ENTPD7: variants seen among roughly 807,000 people sequenced by gnomAD.
ENTPD7 encodes the protein NTPDase 7.
In ENTPD7, 53 loss-of-function variants were observed where a neutral mutation model predicts 77.9. The ratio of observed to expected loss-of-function variants is 0.68; its 90% confidence interval spans 0.55 to 0.85. The LOEUF is 0.85. Among genes scored for constraint, ENTPD7 ranks in the 40% least tolerant of loss-of-function variants. The probability of loss-of-function intolerance (pLI) is 0.00; values close to 1 mark genes in which losing one functional copy is unlikely to be tolerated. For synonymous variants in ENTPD7, 248 were observed against 274.9 expected (o/e 0.90, Z 0.97); for missense variants, 636 against 743.7 (o/e 0.86, Z 1.68).
intron 5 of ENTPD7, 129 bp downstream of exon 5, chr10:99,680,004 C>T: frequency 8.9e-7 from 1 of 1,127,916 alleles, no homozygotes; most frequent in South Asian, 1.7e-5. Flanking sequence ...TCATTCATTC[C>T]CAACTTCTTG....
chr10:99,688,639 T>C, intron 6 of ENTPD7, 55 bp from the exon 7 acceptor site: 1 of 1,562,226 alleles, frequency 6.4e-7, no homozygotes, highest in Non-Finnish European at 8.8e-7. Context: ...GGGAGAGGTG[T>C]ATACATGGCA....
intron 10 of ENTPD7, among the ~76,000 whole-genome samples, chr10:99,699,150 T>C (rs567016128): frequency 6.6e-6 from 1 of 152,342 alleles, no homozygotes; most frequent in Non-Finnish European, 1.5e-5. Flanking sequence ...CTTCCAACTT[T>C]CCAATAGTCT....
At chr10:99,675,318 A>T (rs562973624) in intron 3 of ENTPD7, among the ~76,000 whole-genome samples, 1 of 152,214 alleles carries the variant, frequency 6.6e-6, no homozygotes, top group South Asian at 2.1e-4. Context: ...TAGTGATATT[A>T]ATGAATGTGT....
chr10:99,690,390 C>G (rs2035864738), intron 7 of ENTPD7, among the ~76,000 whole-genome samples: 1 of 152,076 alleles, frequency 6.6e-6, no homozygotes, highest in Non-Finnish European at 1.5e-5. Flanking sequence ...TAAATGAGTT[C>G]ATAGTCATAT....
rs2036269550 is a variant in ENTPD7, at chr10:99,707,118, A to G, written c.*2435A>G. On this transcript the variant is annotated 3_prime_UTR_variant, in exon 13 of 13. Transcript: ENST00000370489. ...TAGTTGAGAATCTCAGGATACCTAC[A>G]TTTATCACTTTTTCAATATATATGT... Among the ~76,000 whole-genome samples the G allele has an allele frequency of 6.6e-6, 1 of 152,138 alleles. No homozygotes were observed. The highest frequency in any genetic ancestry group is 6.5e-5 in the Admixed American group (1 of 15,278).
chr10:99,685,903 G>C lies in ENTPD7; in HGVS notation c.652+8G>C. On this transcript the variant is annotated splice_region_variant and intron_variant, in intron 6 of 12. Coordinates refer to ENST00000370489, the MANE Select transcript of ENTPD7 (RefSeq NM_020354.5). ...TCTCTGGGAAGCAGGAAGGTACTGG[G>C]CCTTAAGGGGTGCAGCTGGTTAACC... 6.3e-7 allele frequency: 1 copy of C among 1,599,492 alleles called. No homozygotes were observed. The highest frequency in any genetic ancestry group is 1.1e-5 in the South Asian group (1 of 90,422).
Position 99,706,432 on chromosome 10 carries a change from C to T in ENTPD7, c.*1749C>T, listed in dbSNP as rs2036254698. ...CTCACCGCAGCCTCAACCTCCTGGG[C>T]TCAAACAGTCCTCCCAACTCAGACT... is the stretch of plus-strand genomic sequence containing the variant. On this transcript the variant is annotated 3_prime_UTR_variant, in exon 13 of 13. Transcript: ENST00000370489. 6.6e-6 allele frequency among the ~76,000 whole-genome samples: 1 copy of T among 151,948 alleles called. No individual in the cohort carries two copies. Among genetic ancestry groups the T allele is most frequent in the South Asian group, 2.1e-4 (1 of 4,806 alleles).
chr10:99,709,341 T>C lies in ENTPD7; in HGVS notation c.*4658T>C. The C allele has an allele frequency of 1.0e-6, 1 of 985,418 alleles. No individual in the cohort carries two copies. The highest frequency in any genetic ancestry group is 1.2e-6 in the Non-Finnish European group (1 of 829,914). The allele number at this position is 985,418 out of a possible 1,614,324, so 61.0% of individuals were successfully genotyped here. A position where few individuals can be genotyped will look rare whatever the true frequency, so the allele number is the denominator to read the frequency against. On this transcript the variant is annotated 3_prime_UTR_variant, in exon 13 of 13. Coordinates refer to ENST00000370489, the MANE Select transcript of ENTPD7 (RefSeq NM_020354.5). ...GCTGTGGTATGTGGTGTAATGTTGA[T>C]TGGGAATAAGAATTATGGTAGAAAT...
chr10:99,701,593 T>C (rs1472276384), intron 11 of ENTPD7, among the ~76,000 whole-genome samples: 1 of 151,602 alleles, frequency 6.6e-6, no homozygotes, highest in African/African-American at 2.4e-5. Context: ...CGGCCAAAAG[T>C]GATTTTTTTT....
rs760320524 is a variant in ENTPD7 at position 99,698,639 on chromosome 10, T to G, written c.1116T>G (p.His372Gln). The G allele has an allele frequency of 4.3e-6, 7 of 1,614,072 alleles. No individual in the cohort carries two copies. Among genetic ancestry groups the G allele is most frequent in the Non-Finnish European group, 8.5e-7 (1 of 1,180,042 alleles). Residue 372 changes from histidine to glutamine, a missense_variant, in exon 10 of 13, where the codon CAT becomes CAG. This residue lies in a region of ENTPD7 where 486 missense variants were observed against 556.5 expected (regional missense o/e 0.87). Coordinates refer to ENST00000370489, the MANE Select transcript of ENTPD7 (RefSeq NM_020354.5). ...DVVERNSQVL[H>Q]VRGRGDWVSC... ...TGGAGAGGAACAGCCAAGTCTTACATGTCCGAGGAAGAGGAGACTGGGTGT... is the reference window on the plus strand; with the variant it reads ...TGGAGAGGAACAGCCAAGTCTTACAGGTCCGAGGAAGAGGAGACTGGGTGT...
At position 99,701,090 on chromosome 10, in the gene ENTPD7, G is replaced by T. The variant is rs369974318; in HGVS notation, c.1421+32G>T. On this transcript the variant is annotated intron_variant, in intron 11 of 12. Coordinates refer to ENST00000370489, the MANE Select transcript of ENTPD7 (RefSeq NM_020354.5). ...TACTTCCCTTTCCTCCTTAGATGTG[G>T]ACTTAAAATCTAGATGGCAGATTAT... is the stretch of plus-strand genomic sequence containing the variant. The T allele has an allele frequency of 2.3e-5, 36 of 1,549,604 alleles. No individual in the cohort carries two copies. In the African/African-American group the frequency reaches 4.3e-4, roughly 19 times the overall value.
In ENTPD7 at chr10:99,708,027, T is replaced by G. The variant is rs2036286759; in HGVS notation, c.*3344T>G. Among the ~76,000 whole-genome samples the G allele has an allele frequency of 6.6e-6, 1 of 152,162 alleles. No individual in the cohort carries two copies. Among genetic ancestry groups the G allele is most frequent in the Non-Finnish European group, 1.5e-5 (1 of 68,030 alleles). On this transcript the variant is annotated 3_prime_UTR_variant, in exon 13 of 13. Coordinates refer to ENST00000370489, the MANE Select transcript of ENTPD7 (RefSeq NM_020354.5). ...GGTGGTGAGCATAGTACCTAACAGA[T>G]AGTTCTTTAATCCATGCCCTCCTCT...
chr10:99,702,479 T>C, intron 11 of ENTPD7, 33 bp from the exon 12 acceptor site: 1 of 1,504,516 alleles, frequency 6.6e-7, no homozygotes, highest in Non-Finnish European at 8.9e-7. Context: ...TTCTTTTCTC[T>C]TTTTTTAAAA....
intron 3 of ENTPD7, among the ~76,000 whole-genome samples, chr10:99,663,593 G>A (rs867583376): frequency 6.6e-6 from 1 of 151,774 alleles, no homozygotes; most frequent in African/African-American, 2.4e-5. Context: ...CCGAGTAACT[G>A]GGACTACAGG....
chr10:99,679,654 A>T, intron 4 of ENTPD7, 71 bp from the exon 5 acceptor site: 1 of 1,532,366 alleles, frequency 6.5e-7, no homozygotes, highest in Non-Finnish European at 8.8e-7. Context: ...TTTATAGGGT[A>T]TCAGTTTCCT....
chr10:99,660,844 C>G (rs544425734), intron 2 of ENTPD7, among the ~76,000 whole-genome samples: 2 of 151,930 alleles, frequency 1.3e-5, no homozygotes, highest in Non-Finnish European at 2.9e-5. Flanking sequence ...ATCGCTTGAA[C>G]CCAGGAGGTG....
intron 3 of ENTPD7, among the ~76,000 whole-genome samples, chr10:99,668,702 A>C (rs2035582109): frequency 6.6e-6 from 1 of 152,188 alleles, no homozygotes; most frequent in Non-Finnish European, 1.5e-5. Flanking sequence ...TGGGCGTTAT[A>C]ATCTCTATTT....
intron 3 of ENTPD7, among the ~76,000 whole-genome samples, chr10:99,670,219 C>A (rs1382769627): frequency 6.6e-6 from 1 of 152,072 alleles, no homozygotes; most frequent in Non-Finnish European, 1.5e-5. Flanking sequence ...AGTCACTACC[C>A]ACAAGTGGCT....
At chr10:99,685,985 C>T (rs1050123444) in intron 6 of ENTPD7, 90 bp downstream of exon 6, 21 of 774,300 alleles carry the variant, frequency 2.7e-5, no homozygotes, top group East Asian at 1.1e-4. Flanking sequence ...TTCTATATAT[C>T]GGATTTTAAT....
Sources: allele counts gnomAD v4.1 joint callset (sites outside exome capture counted in the v4.1 genomes callset), GRCh38; gene constraint gnomAD v4.1.1; regional missense constraint gnomAD v4.1.1; transcripts MANE v1.5; gene names NCBI Gene and HGNC (gene_info 2026-07-23, HGNC 2026-07-21).